Variants in HDX observed in about 807,000 individuals in gnomAD.
The protein encoded by HDX is chromosome X open reading frame 43.
A neutral mutation model predicts 45.2 loss-of-function variants in HDX; 19 were observed. The ratio of observed to expected loss-of-function variants is 0.42; its 90% CI spans 0.29 to 0.62. The LOEUF (loss-of-function observed/expected upper bound fraction) is 0.62. Ranked by LOEUF, HDX falls within the 20% of genes least tolerant of loss-of-function variation. HDX has a pLI of 0.20. For missense variants in HDX, 532 were observed against 493.9 expected (o/e 1.08, Z -0.73); for synonymous variants, 188 against 172.8 (o/e 1.09, Z -0.69).
At chrX:84,374,453 A>G (rs1469085776) in intron 5 of HDX, among the ~76,000 whole-genome samples, 1 of 110,727 alleles carries the variant, frequency 9.0e-6, no homozygotes, top group Admixed American at 9.7e-5. Flanking sequence ...CATAGCCAAG[A>G]CAATCCTAAG....
intron 5 of HDX, among the ~76,000 whole-genome samples, chrX:84,403,663 G>A (rs1490159042): frequency 3.6e-5 from 4 of 111,830 alleles, no homozygotes; most frequent in Non-Finnish European, 7.5e-5. Flanking sequence ...ACCAGCCTAA[G>A]TGACATTGTG....
intron 1 of HDX, among the ~76,000 whole-genome samples, chrX:84,501,900 C>A (rs1418869340): frequency 3.6e-5 from 4 of 111,884 alleles, no homozygotes; most frequent in Non-Finnish European, 7.5e-5. Flanking sequence ...CCGCCCCCAC[C>A]AAGGTGCTAA....
Position 84,361,510 on chromosome X carries a change from C to T in HDX, c.1408G>A (p.Glu470Lys). The change falls in exon 6 of 11, where the codon GAA becomes AAA. Residue 470 changes from glutamate to lysine, a missense_variant. Glu to Lys is a moderately conservative substitution (Grantham distance 56). This residue lies in a region of HDX where 376 missense variants were observed against 343.7 expected (regional missense o/e 1.09). Transcript: ENST00000373177. ...ACATTTAATTCAGTTGCCACAGCTT[C>T]AATTTTCTCTCTACAAACAGAGCCC... Reference protein sequence around the residue: ...SLGSVCREKIEAVATELNVDC... With the variant: ...SLGSVCREKIKAVATELNVDC... 1 of 1,207,467 alleles carries T rather than the reference C, an allele frequency of 8.3e-7. No homozygotes were observed. The highest frequency in any genetic ancestry group is 1.1e-6 in the Non-Finnish European group (1 of 892,161).
At chrX:84,444,087 A>C (rs7067026) in intron 4 of HDX, among the ~76,000 whole-genome samples, 1,712 of 111,341 alleles carry the variant, frequency 0.015, 31 homozygotes, top group African/African-American at 0.054. Flanking sequence ...TTGATAGCTT[A>C]ATCTTAAAAG....
At chrX:84,436,314 A>C in intron 5 of HDX, among the ~76,000 whole-genome samples, 1 of 101,239 alleles carries the variant, frequency 9.9e-6, no homozygotes, top group East Asian at 3.4e-4. Context: ...GCATTGGGAG[A>C]TATACCTAAT....
intron 6 of HDX, among the ~76,000 whole-genome samples, chrX:84,356,686 G>A (rs1346544222): frequency 2.1e-5 from 2 of 93,615 alleles, no homozygotes; most frequent in Non-Finnish European, 4.1e-5. Flanking sequence ...GCAGTGGCGC[G>A]ATCTCGCCTC....
chrX:84,468,609 G>C lies in HDX; in HGVS notation c.1114C>G (p.His372Asp). 4.1e-6 allele frequency: 5 copies of C among 1,205,006 alleles called. No homozygotes were observed. The highest frequency in any genetic ancestry group is 5.6e-6 in the Non-Finnish European group (5 of 889,520). ...TGTAATGAGGTCCGTGGTGTCAAAT[G>C]GTAGTTTCTGTTTTGATACAGTACA... ...DNVLYQNRNY[H>D]LTPRTSLHTA... The change falls in exon 4 of 11, where the codon CAT (histidine) becomes GAT (aspartate). Residue 372 changes from histidine to aspartate, a missense_variant. Coordinates refer to ENST00000373177, the MANE Select transcript of HDX (RefSeq NM_001177479.2).
At chrX:84,419,329 C>T (rs934012068) in intron 5 of HDX, among the ~76,000 whole-genome samples, 1 of 110,825 alleles carries the variant, frequency 9.0e-6, no homozygotes, top group African/African-American at 3.3e-5. Flanking sequence ...AACCCCAGGC[C>T]AGGCAGCATT....
intron 2 of HDX, among the ~76,000 whole-genome samples, chrX:84,487,560 G>A (rs1008802304): frequency 8.9e-6 from 1 of 111,975 alleles, no homozygotes; most frequent in Non-Finnish European, 1.9e-5. Flanking sequence ...CATTTGGGTG[G>A]TGGTTTCAAT....
Position 84,468,477 on chromosome X carries a change from A to G in HDX, c.1246T>C (p.Tyr416His). Residue 416 changes from tyrosine to histidine, a missense_variant, in exon 4 of 11, where the codon TAC becomes CAC. Tyr to His is a moderately conservative substitution (Grantham distance 83, BLOSUM62 2). Transcript: ENST00000373177. ...QLRLSQNQNN[Y>H]QISGNLTVPW... ...AAAATAAATTTACACATTACCTGGT[A>G]ATTGTTTTGGTTTTGTGATAATCTC... 8.9e-7 allele frequency: 1 copy of G among 1,120,926 alleles called. No homozygotes were observed. Among genetic ancestry groups the G allele is most frequent in the Non-Finnish European group, 1.2e-6 (1 of 832,432 alleles). The allele number at this position is 1,120,926 out of a possible 1,213,427, so 92.4% of individuals were successfully genotyped here. A position where few individuals can be genotyped will look rare whatever the true frequency, so the allele number is the denominator to read the frequency against.
chrX:84,352,820 A>G (rs768641440), intron 6 of HDX, among the ~76,000 whole-genome samples: 7 of 111,919 alleles, frequency 6.3e-5, no homozygotes, highest in Non-Finnish European at 1.3e-4. Flanking sequence ...CTACTCATGA[A>G]CACAACAAAT....
intron 1 of HDX, among the ~76,000 whole-genome samples, chrX:84,500,724 G>A (rs1288277337): frequency 3.6e-5 from 4 of 111,342 alleles, no homozygotes; most frequent in African/African-American, 1.3e-4. Flanking sequence ...AAGATATAAA[G>A]GTAGATTGTT....
At chrX:84,329,425 A>C (rs1469399832) in intron 9 of HDX, among the ~76,000 whole-genome samples, 1 of 105,694 alleles carries the variant, frequency 9.5e-6, no homozygotes, top group East Asian at 3.0e-4. Flanking sequence ...ATGAAATTCA[A>C]CATAATCTTT....
In HDX at chrX:84,422,054, T is replaced by G. The variant is rs181939229; in HGVS notation, c.1305+18478A>C. Among the ~76,000 whole-genome samples the G allele has an allele frequency of 3.7e-5, 4 of 108,824 alleles. No homozygotes were observed. In the East Asian group the frequency reaches 1.1e-3, roughly 31 times the overall value. The allele number at this position is 108,824 out of a possible 115,157, so 94.5% of individuals were successfully genotyped here. On this transcript the variant is annotated intron_variant, in intron 5 of 10. Transcript: ENST00000373177. ...GACATAATCTTCAGTGTAGACCAAA[T>G]GGATGAATATTTCATCCAGCAGCTG...
chrX:84,396,919 G>T (rs1213270727), intron 5 of HDX, among the ~76,000 whole-genome samples: 1 of 111,432 alleles, frequency 9.0e-6, no homozygotes, highest in Admixed American at 9.5e-5. Context: ...TGGTAGGTAG[G>T]GACAGAGTAA....
At chrX:84,449,673 A>G (rs1408319881) in intron 4 of HDX, among the ~76,000 whole-genome samples, 1 of 112,294 alleles carries the variant, frequency 8.9e-6, no homozygotes, top group Admixed American at 9.4e-5. Context: ...GGAGTCTGAC[A>G]TGTTGAAGTG....
Position 84,475,290 on chromosome X carries a change from C to A in HDX, c.108G>T (p.Gln36His). 3.3e-6 allele frequency: 4 copies of A among 1,200,534 alleles called. No individual in the cohort carries two copies. The highest frequency in any genetic ancestry group is 4.5e-6 in the Non-Finnish European group (4 of 888,232). ...AGTCCAGCTTAGTCTCCTGTGCACACTGTAATATGAGCTGAAAGCAATTTT... is the reference window on the plus strand; with the variant it reads ...AGTCCAGCTTAGTCTCCTGTGCACAATGTAATATGAGCTGAAAGCAATTTT... ...QSKNCFQLILQCAQETKLDFS... is the reference protein window; with the variant it reads ...QSKNCFQLILHCAQETKLDFS... Residue 36 changes from glutamine to histidine, a missense_variant, in exon 3 of 11, where the codon CAG becomes CAT. By Grantham distance (24) the Gln-to-His change is conservative. Transcript: ENST00000373177.
chrX:84,448,411 C>T (rs1394846287), intron 4 of HDX, among the ~76,000 whole-genome samples: 1 of 111,164 alleles, frequency 9.0e-6, no homozygotes, highest in Non-Finnish European at 1.9e-5. Context: ...GGCCCAAGGA[C>T]AAGCAGACTC....
chrX:84,465,313 A>G (rs942687371), intron 4 of HDX, among the ~76,000 whole-genome samples: 2 of 112,161 alleles, frequency 1.8e-5, no homozygotes, highest in African/African-American at 6.5e-5. Context: ...TAGCAATCCC[A>G]TTACTGGTAT....
Sources: gnomAD v4.1 joint callset for allele counts (sites outside exome capture counted in the v4.1 genomes callset) on GRCh38, gnomAD v4.1.1 for gene constraint, gnomAD v4.1.1 regional missense constraint, MANE v1.5 for transcripts, NCBI Gene and HGNC (gene_info 2026-07-23, HGNC 2026-07-21) for gene names.